CHD7: variants seen among roughly 807,000 people sequenced by gnomAD.
CHD7 encodes the protein chromodomain helicase DNA binding protein 7, also known as ATP-dependent chromatin remodeler CHD7.
Under a neutral mutation model 307.3 loss-of-function variants are expected in CHD7, and 24 were observed. The observed-to-expected ratio is 0.08, with a 90% CI of 0.06 to 0.11. The LOEUF (loss-of-function observed/expected upper bound fraction) is 0.11, where lower values mean the gene tolerates loss of function less well. CHD7 is among the 10% of genes least tolerant of loss of function. The pLI is 1.00. For missense variants in CHD7, 3,106 were observed against 3,727.1 expected, an observed-to-expected ratio of 0.83 and a Z score of 4.34; for synonymous variants, 1,363 against 1,349.9, an observed-to-expected ratio of 1.01 and a Z score of -0.21.
chr8:60,785,147 G>A (rs952600364), intron 3 of CHD7, among the ~76,000 whole-genome samples: 7 of 152,140 alleles, frequency 4.6e-5, no homozygotes, highest in African/African-American at 1.7e-4. Flanking sequence ...AGAATTTGGA[G>A]GAAGTGCTTC....
rs1351681547 is a variant in CHD7, at chr8:60,865,256, A to G, written c.8317A>G (p.Met2773Val). 1.2e-6 allele frequency: 2 copies of G among 1,607,304 alleles called. No individual in the cohort carries two copies. The highest frequency in any genetic ancestry group is 3.4e-5 in the Admixed American group (2 of 58,900). The stretch of plus-strand genomic sequence containing the variant: ...CCAGTCGCTCCAGCTGGCAGGCCTC[A>G]TGGGCTTCCCTCCAGGACTGGCAAC... ...NLQSLQLAGL[M>V]GFPPGLATAA... is the part of the protein sequence containing the mutation. Residue 2773 changes from methionine to valine, a missense_variant, in exon 38 of 38, where the codon ATG becomes GTG. Physicochemically the swap from Met to Val is conservative, Grantham distance 21 (BLOSUM62 1). Transcript: ENST00000423902. This position sits in a 1 kb window ranked among gnomAD's most constrained non-coding sequence, Gnocchi z 4.3.
intron 2 of CHD7, among the ~76,000 whole-genome samples, chr8:60,752,617 T>C (rs1217692538): frequency 2.6e-5 from 4 of 152,154 alleles, no homozygotes; most frequent in African/African-American, 9.7e-5. Flanking sequence ...AAGGGGAGGG[T>C]ATAGACTTAA....
intron 3 of CHD7, among the ~76,000 whole-genome samples, chr8:60,787,605 A>G (rs557586662): frequency 6.6e-6 from 1 of 152,162 alleles, no homozygotes; most frequent in Admixed American, 6.5e-5. Flanking sequence ...TTCCATTAGA[A>G]TACTAATTTT....
At chr8:60,746,391 A>C (rs906451550) in intron 2 of CHD7, among the ~76,000 whole-genome samples, 1 of 152,274 alleles carries the variant, frequency 6.6e-6, no homozygotes, top group African/African-American at 2.4e-5. Flanking sequence ...ATACTATCCT[A>C]TACCTTTAAA....
rs528130317 is a variant in CHD7 at position 60,852,050 on chromosome 8, C to G, written c.5697C>G (p.Gly1899=). ...GKHSESNAEL[G]QLYWPNTSTL... is the part of the protein sequence containing the mutation. ...ACAGTGAGAGTAATGCTGAGTTAGG[C>G]CAACTTTACTGGCCTAACACTTCAA... The change falls in exon 29 of 38, where the codon GGC becomes GGG. Residue 1899 remains glycine, a synonymous_variant. Coordinates refer to ENST00000423902, the MANE Select transcript of CHD7 (RefSeq NM_017780.4). 6.3e-4 allele frequency: 1,023 copies of G among 1,613,552 alleles called. 13 individuals are homozygous for G. In the South Asian group the frequency reaches 8.8e-3, roughly 14 times the overall value.
rs181552852 is a variant in CHD7, at chr8:60,693,395, C to T, written c.-175+14313C>T. ...CCATTGCTCCTGCCGCTCAGCCTTC[C>T]TTGGGGCACCTGCAGAGAGAGGGTC... is the stretch of plus-strand genomic sequence containing the variant. On this transcript the variant is annotated intron_variant, in intron 1 of 37. Coordinates refer to ENST00000423902, the MANE Select transcript of CHD7 (RefSeq NM_017780.4). 1.2e-3 allele frequency among the ~76,000 whole-genome samples: 177 copies of T among 152,322 alleles called. 1 individual carries two copies. The highest frequency in any genetic ancestry group is 2.0e-3 in the Non-Finnish European group (138 of 68,006).
At chr8:60,809,154 T>G (rs1432355682) in intron 7 of CHD7, among the ~76,000 whole-genome samples, 2 of 152,208 alleles carry the variant, frequency 1.3e-5, no homozygotes, top group Non-Finnish European at 2.9e-5. Context: ...TCTCTCTTGT[T>G]GTAGTTGGCA....
At chr8:60,713,500 G>A (rs750495987) in intron 1 of CHD7, among the ~76,000 whole-genome samples, 7 of 152,164 alleles carry the variant, frequency 4.6e-5, no homozygotes, top group Non-Finnish European at 1.0e-4. Flanking sequence ...AGGGTGATAG[G>A]CAATTGTTGG....
chr8:60,852,402 T>C, intron 29 of CHD7, 96 bp from the exon 30 acceptor site: 1 of 1,331,268 alleles, frequency 7.5e-7, no homozygotes, highest in Non-Finnish European at 1.0e-6. Flanking sequence ...CCCAAATAAC[T>C]ACCATGTATA....
intron 2 of CHD7, among the ~76,000 whole-genome samples, chr8:60,746,152 GCCT>G (rs1428396324): frequency 6.6e-6 from 1 of 152,162 alleles, no homozygotes; most frequent in African/African-American, 2.4e-5. Context: ...TCCTGCCTCA[GCCT>G]CCTGAGTGGC....
chr8:60,683,586 T>C (rs1192282966), intron 1 of CHD7, among the ~76,000 whole-genome samples: 1 of 152,156 alleles, frequency 6.6e-6, no homozygotes, highest in African/African-American at 2.4e-5. Flanking sequence ...ATATTTAGAG[T>C]GTGAGGACCT....
At chr8:60,752,195 A>C (rs928884968) in intron 2 of CHD7, among the ~76,000 whole-genome samples, 1 of 152,182 alleles carries the variant, frequency 6.6e-6, no homozygotes, top group African/African-American at 2.4e-5. Context: ...CAAAAAAACA[A>C]TTGTTTTAGG....
intron 19 of CHD7, among the ~76,000 whole-genome samples, chr8:60,840,680 C>T (rs1285450143): frequency 1.3e-5 from 2 of 151,322 alleles, no homozygotes; most frequent in Non-Finnish European, 2.9e-5. Flanking sequence ...TGTAGTGGCG[C>T]AATCTCGGCT....
intron 19 of CHD7, among the ~76,000 whole-genome samples, chr8:60,840,737 CT>C (rs1164922647): frequency 6.6e-6 from 1 of 152,014 alleles, no homozygotes; most frequent in African/African-American, 2.4e-5. Context: ...CTTGCCTCAG[CT>C]TCCCGAGTAG....
At chr8:60,682,760 T>G (rs938310880) in intron 1 of CHD7, among the ~76,000 whole-genome samples, 3 of 152,212 alleles carry the variant, frequency 2.0e-5, no homozygotes, top group Admixed American at 2.0e-4. Context: ...CATCTTTCAT[T>G]AACTAAATAC....
intron 4 of CHD7, among the ~76,000 whole-genome samples, chr8:60,798,418 A>G (rs1477260382): frequency 6.6e-6 from 1 of 152,180 alleles, no homozygotes; most frequent in African/African-American, 2.4e-5. Context: ...AGCTAACAAT[A>G]TCTAACTATC....
intron 36 of CHD7, 81 bp from the exon 37 acceptor site, chr8:60,862,467 T>C (rs1268109358): frequency 6.8e-7 from 1 of 1,471,042 alleles, no homozygotes; most frequent in Non-Finnish European, 9.3e-7. Context: ...ATGTGTGTAT[T>C]ATAGAAGGGG....
intron 1 of CHD7, among the ~76,000 whole-genome samples, chr8:60,706,820 T>A (rs1807043909): frequency 1.3e-5 from 2 of 152,022 alleles, no homozygotes; most frequent in South Asian, 2.1e-4. Flanking sequence ...CTTTTTAAAA[T>A]ATATATATAT....
intron 2 of CHD7, among the ~76,000 whole-genome samples, chr8:60,748,054 A>G (rs772820084): frequency 2.6e-5 from 4 of 152,222 alleles, no homozygotes; most frequent in Non-Finnish European, 5.9e-5. Context: ...ACACTTATCA[A>G]ATATTGAGGC....
Sources: gnomAD v4.1 joint callset for allele counts (sites outside exome capture counted in the v4.1 genomes callset) on GRCh38, gnomAD v4.1.1 for gene constraint, Gnocchi (gnomAD v3.1) non-coding constraint, MANE v1.5 for transcripts, NCBI Gene and HGNC (gene_info 2026-07-23, HGNC 2026-07-21) for gene names.